LZTS1: variants seen among roughly 807,000 people sequenced by gnomAD.
LZTS1 encodes leucine zipper tumor suppressor 1.
Under a neutral mutation model 45.8 loss-of-function variants are expected in LZTS1, and 31 were observed. The observed-to-expected ratio is 0.68, with a 90% CI of 0.51 to 0.91. LZTS1 has a LOEUF of 0.91. Among genes scored for constraint, LZTS1 ranks in the 40% least tolerant of loss-of-function variants. The probability of loss-of-function intolerance (pLI) is 0.00; values close to 1 mark genes in which losing one functional copy is unlikely to be tolerated. For missense variants in LZTS1, 821 were observed against 788.9 expected, an observed-to-expected ratio of 1.04 and a Z score of -0.49; for synonymous variants, 359 against 357.3, an observed-to-expected ratio of 1.00 and a Z score of -0.05.
At chr8:20,258,595 G>C (rs1800159076) in intron 1 of LZTS1, among the ~76,000 whole-genome samples, 1 of 152,124 alleles carries the variant, frequency 6.6e-6, no homozygotes. Flanking sequence ...TTATTGAATT[G>C]ATGGCTTTGT....
In LZTS1 at chr8:20,249,735, G is replaced by A; in HGVS notation, c.1778C>T (p.Ala593Val). 1 of 1,606,334 alleles carries A rather than the reference G, an allele frequency of 6.2e-7. No homozygotes were observed. The highest frequency in any genetic ancestry group is 8.5e-7 in the Non-Finnish European group (1 of 1,178,214). ...CCAGGCAGCCCCTCAGATCTCAGTG[G>A]CTATGATGTCCTCGTAGGGGATGTC... ...GADIPYEDII[A>V]TEI is the part of the protein sequence containing the mutation. Residue 593 changes from alanine to valine, a missense_variant, in exon 4 of 4, where the codon GCC becomes GTC. Coordinates refer to ENST00000381569, the MANE Select transcript of LZTS1 (RefSeq NM_021020.5).
intron 1 of LZTS1, among the ~76,000 whole-genome samples, chr8:20,259,329 A>C (rs1295236079): frequency 6.6e-6 from 1 of 152,228 alleles, no homozygotes. Flanking sequence ...AGATGTGTGC[A>C]CGATATGTGT....
chr8:20,287,521 A>G (rs1284502602), intron 1 of LZTS1, among the ~76,000 whole-genome samples: 1 of 152,030 alleles, frequency 6.6e-6, no homozygotes, highest in Admixed American at 6.6e-5. Context: ...CTGGCTGTTG[A>G]CCCTGCCTTG....
intron 1 of LZTS1, among the ~76,000 whole-genome samples, chr8:20,282,977 G>A (rs1478471819): frequency 6.6e-6 from 1 of 151,910 alleles, no homozygotes; most frequent in African/African-American, 2.4e-5. Context: ...AATAAAATAG[G>A]ACACTTTCTC....
chr8:20,279,791 A>G (rs1398645848), intron 1 of LZTS1, among the ~76,000 whole-genome samples: 1 of 151,746 alleles, frequency 6.6e-6, no homozygotes, highest in African/African-American at 2.4e-5. Context: ...GTTTGAGACC[A>G]GCATGGGAAA....
intron 1 of LZTS1, among the ~76,000 whole-genome samples, chr8:20,299,511 T>C (rs1801036633): frequency 6.6e-6 from 1 of 152,208 alleles, no homozygotes; most frequent in South Asian, 2.1e-4. Context: ...TCTCTAAGCA[T>C]TATTTCGTCT....
chr8:20,289,625 C>T (rs1800862939), intron 1 of LZTS1, among the ~76,000 whole-genome samples: 1 of 152,204 alleles, frequency 6.6e-6, no homozygotes, highest in Non-Finnish European at 1.5e-5. Context: ...GTGGCCATTT[C>T]CTCTTGTCTC....
chr8:20,277,573 G>A (rs1289838431), intron 1 of LZTS1, among the ~76,000 whole-genome samples: 1 of 152,094 alleles, frequency 6.6e-6, no homozygotes, highest in Admixed American at 6.6e-5. Flanking sequence ...ATATAAGGCT[G>A]GTATTAATTC....
intron 1 of LZTS1, among the ~76,000 whole-genome samples, chr8:20,300,730 C>T (rs985162072): frequency 1.3e-5 from 2 of 152,088 alleles, no homozygotes; most frequent in Non-Finnish European, 1.5e-5. Flanking sequence ...CCATAATATA[C>T]TGGTATGATG....
chr8:20,301,100 G>A (rs1201490167), intron 1 of LZTS1, among the ~76,000 whole-genome samples: 1 of 129,292 alleles, frequency 7.7e-6, no homozygotes, highest in Non-Finnish European at 1.5e-5. Flanking sequence ...CAGCCTGGGC[G>A]ACAGAGCAAG....
intron 3 of LZTS1, among the ~76,000 whole-genome samples, chr8:20,250,904 G>A (rs751713789): frequency 1.4e-4 from 21 of 151,704 alleles, no homozygotes; most frequent in Non-Finnish European, 2.2e-4. Context: ...TAGCCACACA[G>A]AAGTATATTA....
In LZTS1 at chr8:20,274,115, G is replaced by A. The variant is rs185572788; in HGVS notation, c.-134-18800C>T. ...GAGGCCCCTTCTGCGTGTTCTTACA[G>A]TGGGCATTAATCACTCTGTAGCACA... On this transcript the variant is annotated intron_variant, in intron 1 of 3. Coordinates refer to ENST00000381569, the MANE Select transcript of LZTS1 (RefSeq NM_021020.5). Among the ~76,000 whole-genome samples, 4 of 152,242 alleles carry A rather than the reference G, an allele frequency of 2.6e-5. No individual in the cohort carries two copies. In the East Asian group the frequency reaches 7.7e-4, roughly 29 times the overall value.
rs763850283 is a variant in LZTS1, at chr8:20,253,365, C to G, written c.566G>C (p.Ser189Thr). The G allele has an allele frequency of 2.0e-5, 33 of 1,613,366 alleles. No homozygotes were observed. Among genetic ancestry groups the G allele is most frequent in the Non-Finnish European group, 2.7e-5 (32 of 1,179,744 alleles). Residue 189 changes from serine (S) to threonine (T), a missense_variant, in exon 3 of 4, where the codon AGC becomes ACC. Transcript: ENST00000381569. ...MSSLPTHSTS[S>T]SYQLDPLVTP... ...GACCAGCGGGTCCAGCTGGTAGCTG[C>G]TGCTGGTGCTGTGTGTGGGCAGGCT...
In LZTS1 at chr8:20,274,312, T is replaced by A. The variant is rs191459599; in HGVS notation, c.-134-18997A>T. Among the ~76,000 whole-genome samples, 21 of 152,324 alleles carry A rather than the reference T, an allele frequency of 1.4e-4. No homozygotes were observed. In the East Asian group the frequency reaches 4.1e-3, roughly 29 times the overall value. On this transcript the variant is annotated intron_variant, in intron 1 of 3. Transcript: ENST00000381569. ...CGTATTTTATTTTATGGTGCCTATG[T>A]TCTACCAGCTACCCTTTCCCAAATG...
At chr8:20,267,032 C>T (rs542107096) in intron 1 of LZTS1, among the ~76,000 whole-genome samples, 111 of 148,498 alleles carry the variant, frequency 7.5e-4, no homozygotes, top group African/African-American at 2.7e-3. Flanking sequence ...CACTTGAACC[C>T]AGGAGGCAGA....
At chr8:20,280,683 G>A (rs777867236) in intron 1 of LZTS1, among the ~76,000 whole-genome samples, 1 of 152,194 alleles carries the variant, frequency 6.6e-6, no homozygotes, top group Non-Finnish European at 1.5e-5. Context: ...GCAGAGCAGG[G>A]AGGGAGGAAG....
At chr8:20,264,316 T>C (rs112378058) in intron 1 of LZTS1, among the ~76,000 whole-genome samples, 5 of 152,168 alleles carry the variant, frequency 3.3e-5, no homozygotes, top group Admixed American at 1.3e-4. Context: ...TCCATTCTGT[T>C]GCAAAAACCC....
chr8:20,270,065 G>A (rs1497018), intron 1 of LZTS1, among the ~76,000 whole-genome samples: 34,282 of 152,212 alleles, frequency 0.23, 4,614 homozygotes, highest in East Asian at 0.49. Context: ...AAGACCAGGC[G>A]TCCCAGGCAG....
chr8:20,296,895 T>C (rs1427681690), intron 1 of LZTS1, among the ~76,000 whole-genome samples: 1 of 152,210 alleles, frequency 6.6e-6, no homozygotes, highest in Admixed American at 6.5e-5. Flanking sequence ...AGACACCGAT[T>C]TGGCCTGTCA....
Sources: allele counts gnomAD v4.1 joint callset (sites outside exome capture counted in the v4.1 genomes callset), GRCh38; gene constraint gnomAD v4.1.1; transcripts MANE v1.5; gene names NCBI Gene and HGNC (gene_info 2026-07-23, HGNC 2026-07-21).